RASGEF1A: variants seen among roughly 807,000 people sequenced by gnomAD.
RASGEF1A encodes the protein RasGEF domain family member 1A, also known as ras-GEF domain-containing family member 1A.
In RASGEF1A, 18 loss-of-function variants were observed where a neutral mutation model predicts 56.4. That is an observed-to-expected ratio of 0.32 (90% CI 0.22 to 0.47). The LOEUF (loss-of-function observed/expected upper bound fraction) is 0.47. Among genes scored for constraint, RASGEF1A ranks in the 20% least tolerant of loss-of-function variants. The pLI, the probability that RASGEF1A is intolerant of heterozygous loss-of-function variation, is 1.00. For synonymous variants in RASGEF1A, 245 were observed against 242.6 expected (o/e 1.01, Z -0.09); for missense variants, 422 against 627.1 (o/e 0.67, Z 3.49).
rs1341020891 is a variant in RASGEF1A at position 43,203,312 on chromosome 10, C to T, written c.307G>A (p.Ala103Thr). The change falls in exon 3 of 13, where the codon GCC becomes ACC. Residue 103 changes from alanine (A) to threonine (T), a missense_variant. Ala to Thr is a moderately conservative substitution (Grantham distance 58). Around this residue, in one of 2 missense-constraint regions of RASGEF1A, gnomAD observed 273 missense variants for 339.9 expected, o/e 0.80. Transcript: ENST00000395810. ...CCCCGCCTCACCTTTTCAGGCCCGG[C>T]TTCCAGCTGCTGCTTCTGCTCCACG... The part of the protein sequence containing the change: ...ICVEQKQQLE[A>T]GPEKAKLKSF... The T allele has an allele frequency of 6.4e-7, 1 of 1,560,340 alleles. No individual in the cohort carries two copies.
intron 1 of RASGEF1A, among the ~76,000 whole-genome samples, chr10:43,215,508 T>C (rs1840124335): frequency 6.6e-6 from 1 of 152,162 alleles, no homozygotes; most frequent in African/African-American, 2.4e-5. Context: ...GGGAGAGACC[T>C]GCGCACCTAC....
At chr10:43,243,947 G>A (rs1840539160) in intron 1 of RASGEF1A, among the ~76,000 whole-genome samples, 1 of 152,120 alleles carries the variant, frequency 6.6e-6, no homozygotes, top group Non-Finnish European at 1.5e-5. Context: ...GAAAAGAAAA[G>A]GGGGAAATGT....
At chr10:43,250,149 C>T (rs554531462) in intron 1 of RASGEF1A, among the ~76,000 whole-genome samples, 13 of 152,322 alleles carry the variant, frequency 8.5e-5, no homozygotes, top group African/African-American at 2.4e-4. Flanking sequence ...CAGCTCCCTG[C>T]GAGGCACCTT....
intron 1 of RASGEF1A, among the ~76,000 whole-genome samples, chr10:43,225,431 C>T (rs1336389638): frequency 6.7e-6 from 1 of 150,256 alleles, no homozygotes; most frequent in African/African-American, 2.5e-5. Context: ...GTGTCTGTGT[C>T]TCTGTATGTG....
intron 1 of RASGEF1A, among the ~76,000 whole-genome samples, chr10:43,230,164 C>T (rs761034710): frequency 2.0e-5 from 3 of 152,226 alleles, no homozygotes; most frequent in African/African-American, 4.8e-5. Context: ...ACGTCCACTA[C>T]GGAACTACAG....
At chr10:43,214,031 T>C (rs1206764484) in intron 1 of RASGEF1A, among the ~76,000 whole-genome samples, 1 of 152,120 alleles carries the variant, frequency 6.6e-6, no homozygotes, top group Non-Finnish European at 1.5e-5. Flanking sequence ...CTGGATGCGC[T>C]CCTCGGGAGG....
At chr10:43,257,623 G>GGGGGC (rs1836446129) in intron 1 of RASGEF1A, among the ~76,000 whole-genome samples, 1 of 152,130 alleles carries the variant, frequency 6.6e-6, no homozygotes, top group Non-Finnish European at 1.5e-5. Context: ...AGGGGGTAGT[G>GGGGGC]ACTGCACACA....
intron 1 of RASGEF1A, chr10:43,207,470 G>C (rs1840013508): frequency 2.0e-6 from 2 of 982,416 alleles, no homozygotes; most frequent in Admixed American, 6.3e-5. Flanking sequence ...TCCCACCAGG[G>C]AAAAAAGAGC....
chr10:43,209,328 C>T (rs1840035586), intron 1 of RASGEF1A: 7 of 583,834 alleles, frequency 1.2e-5, no homozygotes, highest in Non-Finnish European at 1.5e-5. Context: ...TGCCCCAGGT[C>T]ACAGCCAGAG....
chr10:43,252,392 A>C (rs568509486), intron 1 of RASGEF1A, among the ~76,000 whole-genome samples: 1 of 151,942 alleles, frequency 6.6e-6, no homozygotes, highest in African/African-American at 2.4e-5. Context: ...GGGCCTGGCC[A>C]GGCACTTGGA....
At chr10:43,241,087 T>A (rs1840493243) in intron 1 of RASGEF1A, among the ~76,000 whole-genome samples, 2 of 152,170 alleles carry the variant, frequency 1.3e-5, no homozygotes, top group Admixed American at 1.3e-4. Flanking sequence ...TCCTTCAGGC[T>A]GAAATAGTAG....
chr10:43,199,265 G>T, intron 7 of RASGEF1A, 71 bp from the exon 8 acceptor site: 1 of 1,185,982 alleles, frequency 8.4e-7, no homozygotes, highest in Non-Finnish European at 1.2e-6. Context: ...CCGGGCAGAG[G>T]AACAGAGGGG....
chr10:43,236,298 C>T (rs1391593764), intron 1 of RASGEF1A, among the ~76,000 whole-genome samples: 5 of 152,322 alleles, frequency 3.3e-5, no homozygotes, highest in Non-Finnish European at 5.9e-5. Flanking sequence ...TCTAGGGCAC[C>T]GCGCATCCAT....
At chr10:43,217,183 G>A (rs1269046003) in intron 1 of RASGEF1A, among the ~76,000 whole-genome samples, 2 of 152,180 alleles carry the variant, frequency 1.3e-5, no homozygotes, top group Non-Finnish European at 2.9e-5. Flanking sequence ...CTCAGCTGGT[G>A]GAGCGTGCTG....
intron 1 of RASGEF1A, chr10:43,207,890 A>G: frequency 2.0e-6 from 1 of 488,498 alleles, no homozygotes; most frequent in Non-Finnish European, 2.7e-6. Flanking sequence ...CAACTAAGGA[A>G]ACCCCAGGAG....
chr10:43,236,506 A>T (rs1035407588), intron 1 of RASGEF1A, among the ~76,000 whole-genome samples: 1 of 152,232 alleles, frequency 6.6e-6, no homozygotes, highest in African/African-American at 2.4e-5. Flanking sequence ...TATAAAACAG[A>T]CAAGCATCCA....
chr10:43,200,202 C>G lies in RASGEF1A; in HGVS notation c.736G>C (p.Asp246His). ...CTTACCCTGTGGTTGTCCAAGGAGT[C>G]CATGTGGCTGACGATCTGCATCAAG... is the stretch of plus-strand genomic sequence containing the variant. ...EDLMQIVSHM[D>H]SLDNHRCRGD... is the part of the protein sequence containing the mutation. Residue 246 changes from aspartate to histidine, a missense_variant, in exon 6 of 13, where the codon GAC becomes CAC. Around this residue, in one of 2 missense-constraint regions of RASGEF1A, gnomAD observed 273 missense variants for 339.9 expected, o/e 0.80. Transcript: ENST00000395810. 6.2e-7 allele frequency: 1 copy of G among 1,604,562 alleles called. No individual in the cohort carries two copies. Among genetic ancestry groups the G allele is most frequent in the Non-Finnish European group, 8.5e-7 (1 of 1,174,928 alleles).
intron 9 of RASGEF1A, 86 bp from the exon 10 acceptor site, chr10:43,198,281 A>G: frequency 8.2e-7 from 1 of 1,214,238 alleles, no homozygotes; most frequent in Non-Finnish European, 1.1e-6. Context: ...AGCAGGAGGC[A>G]GCAGACAGAG....
chr10:43,238,720 T>G (rs941029216), intron 1 of RASGEF1A, among the ~76,000 whole-genome samples: 12 of 152,138 alleles, frequency 7.9e-5, no homozygotes, highest in African/African-American at 2.9e-4. Context: ...CTGAAAGATA[T>G]CAGGGTCAGG....
Sources: gnomAD v4.1 joint callset for allele counts (sites outside exome capture counted in the v4.1 genomes callset) on GRCh38, gnomAD v4.1.1 for gene constraint, gnomAD v4.1.1 regional missense constraint, MANE v1.5 for transcripts, NCBI Gene and HGNC (gene_info 2026-07-23, HGNC 2026-07-21) for gene names.